Variants in CDS1 observed in about 807,000 individuals in gnomAD.
The protein encoded by CDS1 is CDP-diacylglycerol synthase 1.
CDS1 carries 41 observed loss-of-function variants against 62.1 expected under a neutral mutation model. The ratio of observed to expected loss-of-function variants is 0.66; its 90% CI spans 0.51 to 0.86. The LOEUF (loss-of-function observed/expected upper bound fraction) is 0.86, where lower values mean the gene tolerates loss of function less well. Ranked by LOEUF, CDS1 falls within the 40% of genes least tolerant of loss-of-function variation. The pLI is 0.00. For missense variants in CDS1, 470 were observed against 550.1 expected (o/e 0.85, Z 1.46); for synonymous variants, 185 against 192.6 (o/e 0.96, Z 0.32).
At chr4:84,601,348 G>A (rs1026120912) in intron 1 of CDS1, among the ~76,000 whole-genome samples, 1 of 152,074 alleles carries the variant, frequency 6.6e-6, no homozygotes, top group African/African-American at 2.4e-5. Context: ...CTCCAAAGAA[G>A]GAATTACAGA....
intron 1 of CDS1, among the ~76,000 whole-genome samples, chr4:84,584,101 CGACA>C (rs1722342733): frequency 6.6e-6 from 1 of 152,144 alleles, no homozygotes; most frequent in Non-Finnish European, 1.5e-5. Flanking sequence ...TTTGAGTACA[CGACA>C]GACAGTGCAA....
At chr4:84,636,755 C>T (rs1724224813) in intron 8 of CDS1, among the ~76,000 whole-genome samples, 2 of 152,034 alleles carry the variant, frequency 1.3e-5, no homozygotes, top group South Asian at 4.2e-4. Flanking sequence ...GAACTCCTGA[C>T]CTCGAATGAT....
chr4:84,647,642 A>G (rs1724596130), intron 12 of CDS1, among the ~76,000 whole-genome samples: 1 of 152,134 alleles, frequency 6.6e-6, no homozygotes, highest in African/African-American at 2.4e-5. Flanking sequence ...TGAGTGTGAA[A>G]GTTTTTTGGC....
rs891321125 is a variant in CDS1 at position 84,636,556 on chromosome 4, G to T, written c.810+1205G>T. Among the ~76,000 whole-genome samples, 4 of 151,988 alleles carry T rather than the reference G, an allele frequency of 2.6e-5. No homozygotes were observed. The South Asian group carries it at 8.3e-4, about 32-fold the overall frequency. On this transcript the variant is annotated intron_variant, in intron 8 of 12. Transcript: ENST00000295887. Reference sequence around the variant, plus strand: ...TATTCGTTTTTGGAGACAAAGTCTCGCCCTGTCACCCAGTCTGTAGTGCAG... The same window carrying T: ...TATTCGTTTTTGGAGACAAAGTCTCTCCCTGTCACCCAGTCTGTAGTGCAG...
chr4:84,645,125 C>T (rs1724517645), intron 11 of CDS1, 97 bp from the exon 12 acceptor site: 4 of 751,488 alleles, frequency 5.3e-6, no homozygotes, highest in East Asian at 2.6e-5. Flanking sequence ...AATGTATTTT[C>T]GTTAGAGTGA....
chr4:84,618,353 C>T (rs1391598423), intron 4 of CDS1, among the ~76,000 whole-genome samples: 1 of 151,946 alleles, frequency 6.6e-6, no homozygotes, highest in East Asian at 1.9e-4. Flanking sequence ...GGTTTCTTCA[C>T]GAGTGGCAAA....
Position 84,617,678 on chromosome 4 carries a change from CTA to C in CDS1, c.440+19_440+20del, listed in dbSNP as rs761171089. On this transcript the variant is annotated intron_variant, in intron 4 of 12. Transcript: ENST00000295887. ...ACTAAGTTGGTAAGTAAGCTTGAAACTATTTCAGATATGAAAAGTTAATTTCT... is the reference window on the plus strand; with the variant it reads ...ACTAAGTTGGTAAGTAAGCTTGAAACTTTCAGATATGAAAAGTTAATTTCT... The C allele has an allele frequency of 4.4e-5, 53 of 1,212,454 alleles. No homozygotes were observed. The highest frequency in any genetic ancestry group is 3.6e-5 in the Non-Finnish European group (30 of 837,578). The allele number at this position is 1,212,454 out of a possible 1,614,324, so 75.1% of individuals were successfully genotyped here.
chr4:84,642,907 A>G (rs915268077), intron 10 of CDS1, 117 bp from the exon 11 acceptor site: 55 of 1,016,588 alleles, frequency 5.4e-5, no homozygotes, highest in Non-Finnish European at 7.1e-5. Context: ...AAAATTAACA[A>G]AAATGTGGTG....
Position 84,583,282 on chromosome 4 carries a change from G to C in CDS1, c.-120G>C, listed in dbSNP as rs1722306028. ...TGGTGGGGCCGCGTTAGTGGCTGCG[G>C]CTCCGCGGGACTCCAGGGCGCGGCT... On this transcript the variant is annotated 5_prime_UTR_variant, in exon 1 of 13. Coordinates refer to ENST00000295887, the MANE Select transcript of CDS1 (RefSeq NM_001263.4). 1.5e-6 allele frequency: 1 copy of C among 670,168 alleles called. No individual in the cohort carries two copies. 41.5% of individuals were successfully genotyped at this position (670,168 alleles called of 1,614,324 possible). A position where few individuals can be genotyped will look rare whatever the true frequency, so the allele number is the denominator to read the frequency against.
intron 8 of CDS1, among the ~76,000 whole-genome samples, chr4:84,637,281 T>A (rs1724241857): frequency 6.6e-6 from 1 of 152,192 alleles, no homozygotes; most frequent in Non-Finnish European, 1.5e-5. Flanking sequence ...GTTTTCGGCT[T>A]GGGAAGCTGT....
Position 84,583,264 on chromosome 4 carries a change from G to A in CDS1, c.-138G>A. ...GGCGCGGCGGCCGCTCTATGGTGGG[G>A]CCGCGTTAGTGGCTGCGGCTCCGCG... On this transcript the variant is annotated 5_prime_UTR_variant, in exon 1 of 13. Coordinates refer to ENST00000295887, the MANE Select transcript of CDS1 (RefSeq NM_001263.4). 1.6e-6 allele frequency: 1 copy of A among 612,108 alleles called. No homozygotes were observed. The highest frequency in any genetic ancestry group is 2.8e-6 in the Non-Finnish European group (1 of 354,334). The allele number at this position is 612,108 out of a possible 1,614,324, so 37.9% of individuals were successfully genotyped here.
At chr4:84,635,568 C>T (rs1724157943) in intron 8 of CDS1, among the ~76,000 whole-genome samples, 1 of 133,306 alleles carries the variant, frequency 7.5e-6, no homozygotes, top group South Asian at 2.3e-4. Flanking sequence ...GGCATGACTC[C>T]ATCAGTCTGC....
intron 1 of CDS1, 75 bp downstream of exon 1, chr4:84,583,593 G>C (rs1049175925): frequency 2.3e-5 from 19 of 831,544 alleles, no homozygotes; most frequent in Admixed American, 3.2e-5. Context: ...TGAGAGCAAG[G>C]GTGGGGCCCG....
At position 84,638,908 on chromosome 4, in the gene CDS1, A is replaced by G; in HGVS notation, c.811-16A>G. On this transcript the variant is annotated splice_polypyrimidine_tract_variant and intron_variant, in intron 8 of 12. Coordinates refer to ENST00000295887, the MANE Select transcript of CDS1 (RefSeq NM_001263.4). ...GAGTGCAGTAAAGCTTTTTAATTTT[A>G]TTTGCCCTTTTTTAGTTGTCTCCTA... is the stretch of plus-strand genomic sequence containing the variant. 7.1e-7 allele frequency: 1 copy of G among 1,399,288 alleles called. No individual in the cohort carries two copies. The highest frequency in any genetic ancestry group is 2.4e-5 in the East Asian group (1 of 41,302). The allele number at this position is 1,399,288 out of a possible 1,614,324, so 86.7% of individuals were successfully genotyped here. A position where few individuals can be genotyped will look rare whatever the true frequency, so the allele number is the denominator to read the frequency against.
At chr4:84,619,355 G>T (rs1293441670) in intron 4 of CDS1, 39 bp from the exon 5 acceptor site, 1 of 1,173,784 alleles carries the variant, frequency 8.5e-7, no homozygotes, top group Non-Finnish European at 1.2e-6. Context: ...GGGAAGGAAA[G>T]CTTCAAATAT....
At chr4:84,623,539 C>T (rs1360661771) in intron 5 of CDS1, among the ~76,000 whole-genome samples, 1 of 152,112 alleles carries the variant, frequency 6.6e-6, no homozygotes, top group Non-Finnish European at 1.5e-5. Flanking sequence ...ATTTTGTAGA[C>T]ATGTTTCTTC....
At chr4:84,619,258 G>C in intron 4 of CDS1, 136 bp from the exon 5 acceptor site, 4 of 453,460 alleles carry the variant, frequency 8.8e-6, no homozygotes, top group Non-Finnish European at 1.5e-5. Context: ...ATAGCATTTT[G>C]GTAAAATATA....
At chr4:84,623,433 C>T (rs543107939) in intron 5 of CDS1, among the ~76,000 whole-genome samples, 41 of 152,280 alleles carry the variant, frequency 2.7e-4, no homozygotes, top group South Asian at 2.5e-3. Context: ...TGCCTTCCAC[C>T]GGGCCCTTTC....
At chr4:84,648,426 A>G in intron 12 of CDS1, 131 bp from the exon 13 acceptor site, 1 of 766,002 alleles carries the variant, frequency 1.3e-6, no homozygotes, top group Non-Finnish European at 2.1e-6. Context: ...GCTATTATCA[A>G]GAGCTATTTT....
Sources: allele counts gnomAD v4.1 joint callset (sites outside exome capture counted in the v4.1 genomes callset), GRCh38; gene constraint gnomAD v4.1.1; transcripts MANE v1.5; gene names NCBI Gene and HGNC (gene_info 2026-07-23, HGNC 2026-07-21).